Variants in PNLDC1 observed in about 807,000 individuals in gnomAD.
PNLDC1 encodes PARN like ribonuclease domain containing exonuclease 1.
A neutral mutation model predicts 82.0 loss-of-function variants in PNLDC1; 70 were observed. The ratio of observed to expected loss-of-function variants is 0.85; its 90% confidence interval spans 0.70 to 1.04. The LOEUF (loss-of-function observed/expected upper bound fraction) is 1.04, where lower values mean the gene tolerates loss of function less well. Ranked by LOEUF, PNLDC1 falls within the 50% of genes least tolerant of loss-of-function variation. The pLI is 0.00. For synonymous variants in PNLDC1, 280 were observed against 249.3 expected, an observed-to-expected ratio of 1.12 and a Z score of -1.16; for missense variants, 631 against 661.1, an observed-to-expected ratio of 0.95 and a Z score of 0.50.
intron 18 of PNLDC1, among the ~76,000 whole-genome samples, chr6:159,820,047 T>C (rs1042950677): frequency 3.9e-5 from 6 of 152,082 alleles, no homozygotes; most frequent in Admixed American, 3.9e-4. Flanking sequence ...TTCAGCTGGG[T>C]CACAGCTCGG....
Position 159,810,036 on chromosome 6 carries a change from G to T in PNLDC1, c.794G>T (p.Gly265Val). ...MLVKAQKPLV[G>V]HNMMMDLLHL... is the part of the protein sequence containing the mutation. The stretch of plus-strand genomic sequence containing the variant: ...ATTTACTCCAAGTAGCCCTTAGTGG[G>T]ACATAATATGATGATGGACCTGCTG... The change falls in exon 10 of 19, where the codon GGA (glycine) becomes GTA (valine). Residue 265 changes from glycine to valine, a missense_variant. Transcript: ENST00000392167. 6.2e-7 allele frequency: 1 copy of T among 1,613,948 alleles called. No homozygotes were observed. Among genetic ancestry groups the T allele is most frequent in the Non-Finnish European group, 8.5e-7 (1 of 1,179,850 alleles).
In PNLDC1 at chr6:159,819,643, C is replaced by A. The variant is rs1781969425; in HGVS notation, c.1532+291C>A. Among the ~76,000 whole-genome samples, 1 of 152,038 alleles carries A rather than the reference C, an allele frequency of 6.6e-6. No homozygotes were observed. Among genetic ancestry groups the A allele is most frequent in the Admixed American group, 6.6e-5 (1 of 15,264 alleles). On this transcript the variant is annotated intron_variant, in intron 18 of 18. Coordinates refer to ENST00000392167, the MANE Select transcript of PNLDC1 (RefSeq NM_001271862.2). The surrounding 1 kb of genome is among the most constrained non-coding windows in gnomAD (Gnocchi z 4.6). ...AGACAAACAGGATAAACAAATGGAC[C>A]CTATAATGTGTTGGGTGACAAGTGT...
intron 12 of PNLDC1, among the ~76,000 whole-genome samples, chr6:159,814,045 G>T (rs371600940): frequency 6.6e-6 from 1 of 152,036 alleles, no homozygotes; most frequent in African/African-American, 2.4e-5. Flanking sequence ...GCCCCTTCCC[G>T]GGGTGTCTCC....
At chr6:159,813,752 C>A in intron 12 of PNLDC1, 96 bp downstream of exon 12, 1 of 1,073,990 alleles carries the variant, frequency 9.3e-7, no homozygotes, top group Non-Finnish European at 1.4e-6. Flanking sequence ...GCCCACCATT[C>A]ACAGTGATGC....
chr6:159,802,732 G>A (rs901540383), intron 3 of PNLDC1, among the ~76,000 whole-genome samples: 1 of 152,106 alleles, frequency 6.6e-6, no homozygotes, highest in Middle Eastern at 3.4e-3. Flanking sequence ...ACAGGTGCGC[G>A]CCACCACACC....
At chr6:159,801,084 C>G (rs771443223) in intron 2 of PNLDC1, 29 bp from the exon 3 acceptor site, 20 of 1,611,468 alleles carry the variant, frequency 1.2e-5, no homozygotes, top group Admixed American at 1.2e-4. Context: ...TGTCATTGCT[C>G]GTGGAATGAG....
At chr6:159,813,304 G>A (rs575151831) in intron 11 of PNLDC1, among the ~76,000 whole-genome samples, 39 of 152,114 alleles carry the variant, frequency 2.6e-4, no homozygotes, top group African/African-American at 8.9e-4. Context: ...CTTTGTCCTC[G>A]TGCCTTGCTT....
At position 159,803,241 on chromosome 6, in the gene PNLDC1, C is replaced by A. The variant is rs1224995656; in HGVS notation, c.209-30C>A. 4 of 1,612,346 alleles carry A rather than the reference C, an allele frequency of 2.5e-6. No individual in the cohort carries two copies. In the Admixed American group the frequency reaches 5.0e-5, roughly 20 times the overall value. The stretch of plus-strand genomic sequence containing the variant: ...TGAAATTCAGGTTGCTTTTCCTTGG[C>A]ATTCATTCCCTCTACGGTCATTCTT... On this transcript the variant is annotated intron_variant, in intron 3 of 18. Coordinates refer to ENST00000392167, the MANE Select transcript of PNLDC1 (RefSeq NM_001271862.2).
intron 12 of PNLDC1, among the ~76,000 whole-genome samples, 188 bp from the exon 13 acceptor site, chr6:159,815,781 C>G (rs780689577): frequency 2.7e-4 from 41 of 152,098 alleles, no homozygotes; most frequent in Non-Finnish European, 4.0e-4. Flanking sequence ...GCCTCCTGCA[C>G]CATTGTTCTT....
chr6:159,805,890 C>A, intron 6 of PNLDC1, 93 bp from the exon 7 acceptor site: 1 of 894,274 alleles, frequency 1.1e-6, no homozygotes, highest in Non-Finnish European at 1.9e-6. Flanking sequence ...ACATGAAAAC[C>A]AGAGGGTTCA....
At position 159,809,046 on chromosome 6, in the gene PNLDC1, G is replaced by T; in HGVS notation, c.671G>T (p.Arg224Leu). Reference sequence around the variant, plus strand: ...GTGAAGAAAGTGAGTAAACAACATCGTTGGTATCTTCAGAACACCTCTTGT... The same window carrying T: ...GTGAAGAAAGTGAGTAAACAACATCTTTGGTATCTTCAGAACACCTCTTGT... ...VVVKKVSKQH[R>L]WYLQNTSCDR... Residue 224 changes from arginine to leucine, a missense_variant, in exon 9 of 19, where the codon CGT (arginine) becomes CTT (leucine). Physicochemically the swap from Arg to Leu is moderately radical, Grantham distance 102 (BLOSUM62 -2). Transcript: ENST00000392167. 10 of 1,613,594 alleles carry T rather than the reference G, an allele frequency of 6.2e-6. No homozygotes were observed. The highest frequency in any genetic ancestry group is 8.5e-6 in the Non-Finnish European group (10 of 1,179,908).
chr6:159,818,870 T>C (rs561872338), intron 16 of PNLDC1, 76 bp from the exon 17 acceptor site: 73 of 1,502,426 alleles, frequency 4.9e-5, no homozygotes, highest in Non-Finnish European at 7.3e-6. Flanking sequence ...TTTCCTAGTT[T>C]CTTTTGAGAT....
rs745538454 is a variant in PNLDC1 at position 159,806,096 on chromosome 6, T to C, written c.562+13T>C. ...CCTGGGATCACTGGTAGGCAGGGCC[T>C]GTTCCTCCCAACGCAGGAGCATTGG... is the stretch of plus-strand genomic sequence containing the variant. On this transcript the variant is annotated intron_variant, in intron 7 of 18. Coordinates refer to ENST00000392167, the MANE Select transcript of PNLDC1 (RefSeq NM_001271862.2). 1.2e-6 allele frequency: 2 copies of C among 1,601,038 alleles called. No homozygotes were observed. Among genetic ancestry groups the C allele is most frequent in the Non-Finnish European group, 1.7e-6 (2 of 1,168,186 alleles).
Position 159,800,372 on chromosome 6 carries a change from C to T in PNLDC1, c.65C>T (p.Ala22Val). 1 of 1,548,012 alleles carries T rather than the reference C, an allele frequency of 6.5e-7. No homozygotes were observed. The highest frequency in any genetic ancestry group is 8.7e-7 in the Non-Finnish European group (1 of 1,146,386). ...CTGCTGCAGGAGCTCGTCCAGGAGG[C>T]CGACTTCGTGGGTGAAGAGCCTGGG... ...LPLLQELVQE[A>V]DFVGLDIEFT... is the part of the protein sequence containing the mutation. The change falls in exon 1 of 19, where the codon GCC becomes GTC. Residue 22 changes from alanine to valine, a missense_variant. Transcript: ENST00000392167.
At chr6:159,818,818 C>G (rs1211056788) in intron 16 of PNLDC1, 128 bp from the exon 17 acceptor site, 2 of 1,233,984 alleles carry the variant, frequency 1.6e-6, no homozygotes, top group African/African-American at 3.0e-5. Context: ...CCAACATGGA[C>G]TCATCCTTCC....
At chr6:159,808,449 C>A (rs1296633567) in intron 7 of PNLDC1, among the ~76,000 whole-genome samples, 1 of 150,714 alleles carries the variant, frequency 6.6e-6, no homozygotes, top group Non-Finnish European at 1.5e-5. Context: ...GTTTTAATTT[C>A]TAACATGTTT....
At chr6:159,803,354 T>C in intron 4 of PNLDC1, 44 bp downstream of exon 4, 1 of 1,578,202 alleles carries the variant, frequency 6.3e-7, no homozygotes, top group Non-Finnish European at 8.7e-7. Flanking sequence ...TTCCCACCTA[T>C]GTTCCACAGC....
intron 7 of PNLDC1, among the ~76,000 whole-genome samples, chr6:159,807,787 A>C (rs191248572): frequency 6.6e-6 from 1 of 152,366 alleles, no homozygotes; most frequent in African/African-American, 2.4e-5. Flanking sequence ...TCCACAGTGC[A>C]ATTAATCTTT....
chr6:159,808,708 G>GT (rs749200692), intron 7 of PNLDC1, 32 bp from the exon 8 acceptor site: 26 of 1,597,438 alleles, frequency 1.6e-5, no homozygotes, highest in Middle Eastern at 1.7e-4. Flanking sequence ...ACGGTTCCAG[G>GT]TGCTGTGTGC....
Sources: gnomAD v4.1 joint callset for allele counts (sites outside exome capture counted in the v4.1 genomes callset) on GRCh38, gnomAD v4.1.1 for gene constraint, Gnocchi (gnomAD v3.1) non-coding constraint, MANE v1.5 for transcripts, NCBI Gene and HGNC (gene_info 2026-07-23, HGNC 2026-07-21) for gene names.